Variants in FKBP15 observed in about 807,000 individuals in gnomAD.
FKBP15 encodes FKBP prolyl isomerase family member 15, also known as FK506-binding protein 15.
Under a neutral mutation model 158.1 loss-of-function variants are expected in FKBP15, and 106 were observed. That is an observed-to-expected ratio of 0.67 (90% confidence interval 0.57 to 0.79). The LOEUF is 0.79. Among genes scored for constraint, FKBP15 ranks in the 30% least tolerant of loss-of-function variants. The pLI, the probability that FKBP15 is intolerant of heterozygous loss-of-function variation, is 0.00. For synonymous variants in FKBP15, 547 were observed against 548.6 expected (o/e 1.00, Z 0.04); for missense variants, 1,287 against 1,479.1 (o/e 0.87, Z 2.13).
Position 113,166,047 on chromosome 9 carries a change from A to G in FKBP15, c.*31T>C, listed in dbSNP as rs1830093219. Reference sequence around the variant, plus strand: ...AAAATCATGCTTAGGGAAGGGTTGCAGAGAAACCTTTGCACCAGTTTCCTG... The same window carrying G: ...AAAATCATGCTTAGGGAAGGGTTGCGGAGAAACCTTTGCACCAGTTTCCTG... On this transcript the variant is annotated 3_prime_UTR_variant, in exon 28 of 28. Transcript: ENST00000238256. The G allele has an allele frequency of 6.2e-7, 1 of 1,600,114 alleles. No individual in the cohort carries two copies. The highest frequency in any genetic ancestry group is 1.7e-5 in the Admixed American group (1 of 58,724).
chr9:113,200,271 A>C (rs7852613), intron 6 of FKBP15, among the ~76,000 whole-genome samples: 34,811 of 152,162 alleles, frequency 0.23, 4,726 homozygotes, highest in African/African-American at 0.36. Context: ...TGGTTATGAA[A>C]ATTAAATGAG....
intron 18 of FKBP15, 110 bp downstream of exon 18, chr9:113,183,641 A>T: frequency 2.9e-6 from 2 of 701,340 alleles, no homozygotes; most frequent in Non-Finnish European, 4.9e-6. Flanking sequence ...AGGAAACAGA[A>T]ATGGCAGAAA....
At chr9:113,170,022 T>A in intron 25 of FKBP15, 80 bp from the exon 26 acceptor site, 1 of 1,436,946 alleles carries the variant, frequency 7.0e-7, no homozygotes, top group Non-Finnish European at 9.1e-7. Flanking sequence ...CTACTGGTCA[T>A]GTAGTTTAAA....
In FKBP15 at chr9:113,169,416, A is replaced by G; in HGVS notation, c.3293T>C (p.Leu1098Pro). The G allele has an allele frequency of 1.2e-6, 2 of 1,614,028 alleles. No homozygotes were observed. The highest frequency in any genetic ancestry group is 1.7e-6 in the Non-Finnish European group (2 of 1,179,886). Residue 1098 changes from leucine to proline, a missense_variant, in exon 26 of 28, where the codon CTG (leucine) becomes CCG (proline). Physicochemically the swap from Leu to Pro is moderately conservative, Grantham distance 98. Transcript: ENST00000238256. Reference protein sequence around the residue: ...PLQESSTRLSLTSDPEEGDPL... With the variant: ...PLQESSTRLSPTSDPEEGDPL... ...GTCCCCCTCCTCGGGGTCTGAAGTC[A>G]GGGACAGTCTTGTGGAGCTTTCTTG...
chr9:113,186,620 T>C (rs984187139), intron 14 of FKBP15: 1 of 384,948 alleles, frequency 2.6e-6, no homozygotes, highest in African/African-American at 2.0e-5. Context: ...TACCCAGTCA[T>C]CTGGTGAGAT....
At chr9:113,218,716 A>G (rs1831195063) in intron 1 of FKBP15, among the ~76,000 whole-genome samples, 1 of 152,148 alleles carries the variant, frequency 6.6e-6, no homozygotes, top group African/African-American at 2.4e-5. Context: ...ATCTAGGTCA[A>G]ACCTCATTAT....
At chr9:113,187,483 C>A in intron 14 of FKBP15, 1 of 272,532 alleles carries the variant, frequency 3.7e-6, no homozygotes, top group Non-Finnish European at 7.2e-6. Flanking sequence ...GAAAAGAATA[C>A]AGAAGAACGC....
rs1364174705 is a variant in FKBP15, at chr9:113,170,523, T to C, written c.2765A>G (p.Lys922Arg). The change falls in exon 25 of 28, where the codon AAG becomes AGG. Residue 922 changes from lysine to arginine, a missense_variant and splice_region_variant. Transcript: ENST00000238256. ...CAAATGACAGCTGGCTGGCTGTACC[T>C]TGATCGTATTCATGATGGTTCCCAG... ...TILGTIMNTI[K>R]MVTLQLLNQQ... 17 of 1,606,772 alleles carry C rather than the reference T, an allele frequency of 1.1e-5. No homozygotes were observed. Among genetic ancestry groups the C allele is most frequent in the Non-Finnish European group, 1.4e-5 (16 of 1,173,330 alleles).
At chr9:113,173,374 G>T in intron 23 of FKBP15, 79 bp downstream of exon 23, 1 of 1,473,100 alleles carries the variant, frequency 6.8e-7, no homozygotes, top group South Asian at 1.3e-5. Context: ...GGCTTAGAAG[G>T]ATCGACAGGA....
At chr9:113,211,251 T>G (rs1830995892) in intron 2 of FKBP15, among the ~76,000 whole-genome samples, 1 of 152,200 alleles carries the variant, frequency 6.6e-6, no homozygotes, top group Admixed American at 6.5e-5. Flanking sequence ...CTCTGCCTCC[T>G]GGGTTCAAGA....
chr9:113,209,696 T>C (rs1186589762), intron 2 of FKBP15, among the ~76,000 whole-genome samples: 4 of 152,224 alleles, frequency 2.6e-5, no homozygotes, highest in Non-Finnish European at 5.9e-5. Flanking sequence ...GCCAGCATGA[T>C]AAGGAAGGAA....
At chr9:113,189,462 T>C (rs1830537903) in intron 12 of FKBP15, among the ~76,000 whole-genome samples, 1 of 152,134 alleles carries the variant, frequency 6.6e-6, no homozygotes, top group Admixed American at 6.5e-5. Flanking sequence ...TTCTTTTCTA[T>C]AATTTTAAAT....
chr9:113,215,644 A>ATTTT (rs1285341545), intron 1 of FKBP15, among the ~76,000 whole-genome samples: 60 of 61,572 alleles, frequency 9.7e-4, no homozygotes, highest in African/African-American at 1.7e-3. Flanking sequence ...ATATATATAT[A>ATTTT]TTTTTTTTTT....
chr9:113,201,369 G>A (rs1188725336), intron 6 of FKBP15, among the ~76,000 whole-genome samples: 4 of 152,142 alleles, frequency 2.6e-5, no homozygotes, highest in Non-Finnish European at 5.9e-5. Flanking sequence ...ATTTACTGCA[G>A]AGACAGAAAA....
At position 113,211,270 on chromosome 9, in the gene FKBP15, G is replaced by A. The variant is rs565809477; in HGVS notation, c.169+207C>T. Among the ~76,000 whole-genome samples, 21 of 152,130 alleles carry A rather than the reference G, an allele frequency of 1.4e-4. No homozygotes were observed. In the East Asian group the frequency reaches 3.9e-3, roughly 28 times the overall value. Reference sequence around the variant, plus strand: ...GCCTCCTGGGTTCAAGAGATCCTCCGGCCTCAGCCCCCCTAGTAGCTGGGA... The same window carrying A: ...GCCTCCTGGGTTCAAGAGATCCTCCAGCCTCAGCCCCCCTAGTAGCTGGGA... On this transcript the variant is annotated intron_variant, in intron 2 of 27. Coordinates refer to ENST00000238256, the MANE Select transcript of FKBP15 (RefSeq NM_015258.2).
intron 26 of FKBP15, 76 bp downstream of exon 26, chr9:113,169,148 G>A (rs1053992917): frequency 6.0e-6 from 9 of 1,501,104 alleles, no homozygotes; most frequent in Non-Finnish European, 7.1e-6. Context: ...GGGATGAGTT[G>A]CCAGCCCTGG....
At chr9:113,216,854 C>T (rs943439691) in intron 1 of FKBP15, among the ~76,000 whole-genome samples, 5 of 151,590 alleles carry the variant, frequency 3.3e-5, no homozygotes, top group South Asian at 2.1e-4. Flanking sequence ...ACTACAAAGT[C>T]GATCCAAAAG....
At chr9:113,211,726 C>T in intron 1 of FKBP15, 134 bp from the exon 2 acceptor site, 1 of 468,570 alleles carries the variant, frequency 2.1e-6, no homozygotes, top group Non-Finnish European at 3.8e-6. Flanking sequence ...AGAAACACTT[C>T]AAGCTAGGAA....
At chr9:113,217,920 T>C (rs1831172096) in intron 1 of FKBP15, among the ~76,000 whole-genome samples, 1 of 152,074 alleles carries the variant, frequency 6.6e-6, no homozygotes, top group Non-Finnish European at 1.5e-5. Flanking sequence ...GTACACAATC[T>C]CCCTATGTTG....
Sources: allele counts gnomAD v4.1 joint callset (sites outside exome capture counted in the v4.1 genomes callset), GRCh38; gene constraint gnomAD v4.1.1; transcripts MANE v1.5; gene names NCBI Gene and HGNC (gene_info 2026-07-23, HGNC 2026-07-21).